Variants in NUDC observed in about 807,000 individuals in gnomAD.
NUDC encodes nuclear migration protein nudC.
Under a neutral mutation model 45.0 loss-of-function variants are expected in NUDC, and 14 were observed. The ratio of observed to expected loss-of-function variants is 0.31; its 90% CI spans 0.21 to 0.49. NUDC has a LOEUF of 0.49. Ranked by LOEUF, NUDC falls within the 20% of genes least tolerant of loss-of-function variation. The pLI is 0.99. For synonymous variants in NUDC, 153 were observed against 156.7 expected (o/e 0.98, Z 0.17); for missense variants, 323 against 426.2 (o/e 0.76, Z 2.13).
At chr1:26,913,591 A>G (rs147881053) in intron 3 of NUDC, 23 of 1,613,960 alleles carry the variant, frequency 1.4e-5, no homozygotes, top group Non-Finnish European at 1.9e-5. Context: ...CTTCTTGAGT[A>G]TGCTGGGCAC....
intron 3 of NUDC, chr1:26,913,957 T>A: frequency 2.8e-6 from 4 of 1,450,208 alleles, no homozygotes; most frequent in East Asian, 2.3e-5. Context: ...GGATCTGCTC[T>A]CACTTCCAGC....
At chr1:26,928,397 T>G (rs912406176) in intron 2 of NUDC, among the ~76,000 whole-genome samples, 1 of 152,186 alleles carries the variant, frequency 6.6e-6, no homozygotes, top group African/African-American at 2.4e-5. Context: ...AAAGAAGAGA[T>G]AGCTGTTTGC....
In NUDC at chr1:26,942,915, C is replaced by G; in HGVS notation, c.591C>G (p.Asp197Glu). Reference protein sequence around the residue: ...FCVNFRLKGKDMVVDIQRRHL... With the variant: ...FCVNFRLKGKEMVVDIQRRHL... ...TGAACTTCCGGCTGAAAGGGAAGGACATGGTGGTGGACATCCAGCGGCGGC... is the reference window on the plus strand; with the variant it reads ...TGAACTTCCGGCTGAAAGGGAAGGAGATGGTGGTGGACATCCAGCGGCGGC... The change falls in exon 6 of 9, where the codon GAC (aspartate) becomes GAG (glutamate). Residue 197 changes from aspartate to glutamate, a missense_variant. By Grantham distance (45) the Asp-to-Glu change is conservative. Coordinates refer to ENST00000321265, the MANE Select transcript of NUDC (RefSeq NM_006600.4). 6.2e-7 allele frequency: 1 copy of G among 1,613,956 alleles called. No homozygotes were observed. Among genetic ancestry groups the G allele is most frequent in the South Asian group, 1.1e-5 (1 of 91,068 alleles).
chr1:26,936,208 A>T, intron 2 of NUDC, among the ~76,000 whole-genome samples: 1 of 34,706 alleles, frequency 2.9e-5, no homozygotes, highest in African/African-American at 1.2e-4. Context: ...TTTTTTTTTG[A>T]GATGGAGTTT....
chr1:26,907,539 A>T, intron 2 of NUDC, among the ~76,000 whole-genome samples: 1 of 152,328 alleles, frequency 6.6e-6, no homozygotes, highest in South Asian at 2.1e-4. Context: ...TGCCAGCATC[A>T]CGGGTTCTAG....
intron 1 of NUDC, among the ~76,000 whole-genome samples, chr1:26,923,708 GT>G: frequency 6.6e-6 from 1 of 152,098 alleles, no homozygotes; most frequent in Non-Finnish European, 1.5e-5. Flanking sequence ...CTGACCTCAA[GT>G]GACCCGCCCA....
upstream of NUDC, among the ~76,000 whole-genome samples, chr1:26,917,972 G>A (rs1166938052): frequency 6.8e-6 from 1 of 147,490 alleles, no homozygotes; most frequent in Admixed American, 6.7e-5. Flanking sequence ...TAATGAATGT[G>A]TACACACACA....
chr1:26,919,250 A>T (rs542952320), upstream of NUDC, among the ~76,000 whole-genome samples: 2 of 147,846 alleles, frequency 1.4e-5, no homozygotes, highest in African/African-American at 4.9e-5. Context: ...TGCCCCGCTA[A>T]TTTTTTTTTT....
chr1:26,938,268 C>T (rs2124131035), intron 2 of NUDC, among the ~76,000 whole-genome samples: 1 of 152,294 alleles, frequency 6.6e-6, no homozygotes, highest in Non-Finnish European at 1.5e-5. Context: ...GGCCTTGACT[C>T]TGCCTGGTGG....
chr1:26,907,749 A>G (rs1169040740), intron 2 of NUDC, among the ~76,000 whole-genome samples: 1 of 152,228 alleles, frequency 6.6e-6, no homozygotes, highest in Non-Finnish European at 1.5e-5. Context: ...GGGCCTGAGG[A>G]CAGGAATCAT....
intron 3 of NUDC, chr1:26,913,898 C>T: frequency 1.3e-6 from 2 of 1,483,870 alleles, no homozygotes; most frequent in African/African-American, 1.4e-5. Flanking sequence ...GGGCGGCTTG[C>T]AGCTCCCTGG....
chr1:26,932,297 C>T (rs1264053239), intron 2 of NUDC, among the ~76,000 whole-genome samples: 12 of 151,890 alleles, frequency 7.9e-5, no homozygotes, highest in Non-Finnish European at 4.4e-5. Context: ...CTGCCTCAGC[C>T]TCCTGAGTAG....
intron 2 of NUDC, among the ~76,000 whole-genome samples, chr1:26,933,097 G>A (rs1261793613): frequency 6.6e-6 from 1 of 151,892 alleles, no homozygotes; most frequent in African/African-American, 2.4e-5. Context: ...CACCACGCCC[G>A]GCTAATTTTT....
At chr1:26,902,689 G>T (rs1181698744) in intron 2 of NUDC, among the ~76,000 whole-genome samples, 2 of 151,904 alleles carry the variant, frequency 1.3e-5, no homozygotes, top group Admixed American at 6.6e-5. Flanking sequence ...GAGCAAGGCT[G>T]CAGTGAGCCA....
intron 2 of NUDC, among the ~76,000 whole-genome samples, chr1:26,937,677 G>C (rs891666066): frequency 2.0e-5 from 3 of 151,766 alleles, no homozygotes; most frequent in African/African-American, 7.3e-5. Flanking sequence ...TTTTGAGACA[G>C]AGTCTTGCTC....
At chr1:26,912,229 T>C in intron 3 of NUDC, 2 of 817,682 alleles carry the variant, frequency 2.4e-6, no homozygotes, top group Non-Finnish European at 3.9e-6. Context: ...TACCTCCTCC[T>C]TTAGAGGAGG....
intron 1 of NUDC, 126 bp from the exon 2 acceptor site, chr1:26,923,963 T>G (rs928203877): frequency 1.6e-5 from 13 of 807,450 alleles, no homozygotes; most frequent in Non-Finnish European, 2.8e-5. Flanking sequence ...ATCTCCTCAG[T>G]TGGGAAGCTC....
At chr1:26,945,761 A>AC in intron 8 of NUDC, 75 bp downstream of exon 8, 17 of 1,021,124 alleles carry the variant, frequency 1.7e-5, no homozygotes, top group Non-Finnish European at 2.3e-5. Context: ...CAGTGAGTGG[A>AC]TCACTGCGCT....
intron 2 of NUDC, among the ~76,000 whole-genome samples, chr1:26,935,692 T>C (rs1304898967): frequency 5.9e-5 from 9 of 151,984 alleles, no homozygotes; most frequent in East Asian, 1.9e-4. Flanking sequence ...CTAGATGATA[T>C]CATATATCAT....
Sources: allele counts gnomAD v4.1 joint callset (sites outside exome capture counted in the v4.1 genomes callset), GRCh38; gene constraint gnomAD v4.1.1; transcripts MANE v1.5; gene names NCBI Gene and HGNC (gene_info 2026-07-23, HGNC 2026-07-21).